TMEM170B: variants seen among roughly 807,000 people sequenced by gnomAD.
TMEM170B encodes the protein transmembrane protein 170B.
TMEM170B carries 6 observed loss-of-function variants against 13.0 expected under a neutral mutation model. The observed-to-expected ratio is 0.46, with a 90% confidence interval of 0.25 to 0.91. TMEM170B has a LOEUF of 0.91. Ranked by LOEUF, TMEM170B falls within the 40% of genes least tolerant of loss-of-function variation. The pLI is 0.17. For synonymous variants in TMEM170B, 61 were observed against 64.9 expected, an observed-to-expected ratio of 0.94 and a Z score of 0.29; for missense variants, 138 against 165.2, an observed-to-expected ratio of 0.84 and a Z score of 0.90.
chr6:11,551,412 C>G (rs1759523792), intron 1 of TMEM170B, among the ~76,000 whole-genome samples: 1 of 152,090 alleles, frequency 6.6e-6, no homozygotes, highest in Non-Finnish European at 1.5e-5. Flanking sequence ...TGGATGCTGG[C>G]TAAGACAGTC....
chr6:11,567,080 GGT>G (rs1320655810), intron 2 of TMEM170B, among the ~76,000 whole-genome samples: 25 of 152,194 alleles, frequency 1.6e-4, no homozygotes, highest in Admixed American at 1.6e-3. Flanking sequence ...ATCACCTGAT[GGT>G]CACCTGACAT....
chr6:11,578,254 T>C lies in TMEM170B; in HGVS notation c.*2693T>C, dbSNP rs999474703. ...GTTTGGGACATGACAAAAGTCCTTA[T>C]TGATGTATTTGGGTTATATACTTTG... is the stretch of plus-strand genomic sequence containing the variant. On this transcript the variant is annotated 3_prime_UTR_variant, in exon 3 of 3. Transcript: ENST00000379426. 2 of 152,156 alleles carry C rather than the reference T, an allele frequency of 1.3e-5. No homozygotes were observed. The highest frequency in any genetic ancestry group is 4.8e-5 in the African/African-American group (2 of 41,454). 9.4% of individuals were successfully genotyped at this position (152,156 alleles called of 1,614,324 possible).
intron 1 of TMEM170B, among the ~76,000 whole-genome samples, chr6:11,557,954 G>A (rs1561909982): frequency 6.6e-6 from 1 of 152,016 alleles, no homozygotes; most frequent in Admixed American, 6.5e-5. Context: ...CCATTGCCCA[G>A]GCTGGAGTGC....
intron 1 of TMEM170B, 90 bp downstream of exon 1, chr6:11,538,464 C>T (rs1230597613): frequency 5.4e-5 from 54 of 1,000,610 alleles, no homozygotes; most frequent in Non-Finnish European, 7.0e-5. Context: ...TCCTCGCCGC[C>T]CCACCCCCGT....
chr6:11,575,733 T>C lies in TMEM170B; in HGVS notation c.*172T>C. The stretch of plus-strand genomic sequence containing the variant: ...GGATTGCCCTCTGGTGTTCAAGTGA[T>C]TGCACTACCGCACTGCACCTTATGT... On this transcript the variant is annotated 3_prime_UTR_variant, in exon 3 of 3. Coordinates refer to ENST00000379426, the MANE Select transcript of TMEM170B (RefSeq NM_001100829.3). The surrounding 1 kb of genome is among the most constrained non-coding windows in gnomAD (Gnocchi z 4.1). 1.5e-6 allele frequency: 1 copy of C among 687,896 alleles called. No homozygotes were observed. The highest frequency in any genetic ancestry group is 2.4e-6 in the Non-Finnish European group (1 of 421,396). 42.6% of individuals were successfully genotyped at this position (687,896 alleles called of 1,614,324 possible).
At chr6:11,541,232 G>A (rs1372303848) in intron 1 of TMEM170B, among the ~76,000 whole-genome samples, 1 of 152,202 alleles carries the variant, frequency 6.6e-6, no homozygotes, top group African/African-American at 2.4e-5. Context: ...CTCTCTAGCT[G>A]TGCAAGTCCT....
At chr6:11,547,281 G>T (rs181833945) in intron 1 of TMEM170B, among the ~76,000 whole-genome samples, 1 of 152,226 alleles carries the variant, frequency 6.6e-6, no homozygotes. Context: ...ATTCATACTG[G>T]TATAGTCAGC....
rs1759884016 is a variant in TMEM170B, at chr6:11,577,026, A to G, written c.*1465A>G. 1 of 152,116 alleles carries G rather than the reference A, an allele frequency of 6.6e-6. No individual in the cohort carries two copies. The highest frequency in any genetic ancestry group is 1.5e-5 in the Non-Finnish European group (1 of 67,968). The allele number at this position is 152,116 out of a possible 1,614,324, so 9.4% of individuals were successfully genotyped here. ...CTAACTCAAAGGAGACATTGCAGAG[A>G]ATATGAAGTTAAGGATAATCCAAAA... On this transcript the variant is annotated 3_prime_UTR_variant, in exon 3 of 3. Coordinates refer to ENST00000379426, the MANE Select transcript of TMEM170B (RefSeq NM_001100829.3).
At chr6:11,544,599 A>G (rs1582137447) in intron 1 of TMEM170B, among the ~76,000 whole-genome samples, 2 of 152,320 alleles carry the variant, frequency 1.3e-5, no homozygotes, top group South Asian at 4.1e-4. Flanking sequence ...ACTCCTACCA[A>G]GTTCAGCCTG....
intron 2 of TMEM170B, among the ~76,000 whole-genome samples, chr6:11,570,568 G>A (rs1020737785): frequency 6.6e-6 from 1 of 152,122 alleles, no homozygotes; most frequent in Non-Finnish European, 1.5e-5. Flanking sequence ...TAGAACATAT[G>A]AATAGGAAAA....
chr6:11,567,252 G>C (rs572083156), intron 2 of TMEM170B, among the ~76,000 whole-genome samples: 2 of 150,466 alleles, frequency 1.3e-5, no homozygotes, highest in East Asian at 2.3e-4. Context: ...CAGGAACCGG[G>C]TGCCTCTCTG....
intron 1 of TMEM170B, among the ~76,000 whole-genome samples, chr6:11,548,295 C>T (rs1261688463): frequency 6.6e-6 from 1 of 152,162 alleles, no homozygotes; most frequent in Non-Finnish European, 1.5e-5. Context: ...CAGAAGAAGA[C>T]ATTTATGCAG....
At chr6:11,565,134 C>CT (rs78314870) in intron 1 of TMEM170B, among the ~76,000 whole-genome samples, 8,787 of 152,114 alleles carry the variant, frequency 0.058, 275 homozygotes, top group East Asian at 0.16. Context: ...ACTAAGATGA[C>CT]TAGAGGCAAA....
At chr6:11,546,445 ATAAAT>A (rs1759442256) in intron 1 of TMEM170B, among the ~76,000 whole-genome samples, 1 of 152,218 alleles carries the variant, frequency 6.6e-6, no homozygotes, top group Non-Finnish European at 1.5e-5. Context: ...TATTTTAAAA[ATAAAT>A]TTAGTGTAGC....
rs550942946 is a variant in TMEM170B, at chr6:11,576,776, G to A, written c.*1215G>A. 2.0e-5 allele frequency: 3 copies of A among 152,256 alleles called. No homozygotes were observed. In the East Asian group the frequency reaches 5.8e-4, roughly 29 times the overall value. 9.4% of individuals were successfully genotyped at this position (152,256 alleles called of 1,614,324 possible). The stretch of plus-strand genomic sequence containing the variant: ...TCTCAGCATATCAATGCAGTACTGA[G>A]CGTGTATTAGAGTAATTCAGTTGTT... On this transcript the variant is annotated 3_prime_UTR_variant, in exon 3 of 3. Coordinates refer to ENST00000379426, the MANE Select transcript of TMEM170B (RefSeq NM_001100829.3).
intron 2 of TMEM170B, among the ~76,000 whole-genome samples, chr6:11,571,106 AT>A (rs950846768): frequency 2.0e-5 from 3 of 147,152 alleles, no homozygotes; most frequent in African/African-American, 7.5e-5. Flanking sequence ...ACCTTGTTCT[AT>A]TTTTTTTTCT....
chr6:11,558,764 C>G (rs989407495), intron 1 of TMEM170B, among the ~76,000 whole-genome samples: 1 of 152,148 alleles, frequency 6.6e-6, no homozygotes, highest in Non-Finnish European at 1.5e-5. Flanking sequence ...CATAGCATCA[C>G]GTACATACTG....
At chr6:11,565,435 G>A (rs1759720742) in intron 1 of TMEM170B, among the ~76,000 whole-genome samples, 1 of 152,194 alleles carries the variant, frequency 6.6e-6, no homozygotes. Context: ...AGAAATTAGA[G>A]TATAGTGTTA....
At chr6:11,548,570 C>T (rs1357216330) in intron 1 of TMEM170B, among the ~76,000 whole-genome samples, 1 of 152,160 alleles carries the variant, frequency 6.6e-6, no homozygotes, top group Non-Finnish European at 1.5e-5. Context: ...CATCCCATTA[C>T]TGGTGTATAT....
Sources: gnomAD v4.1 joint callset for allele counts (sites outside exome capture counted in the v4.1 genomes callset) on GRCh38, gnomAD v4.1.1 for gene constraint, Gnocchi (gnomAD v3.1) non-coding constraint, MANE v1.5 for transcripts, NCBI Gene and HGNC (gene_info 2026-07-23, HGNC 2026-07-21) for gene names.